ATG10: variants seen among roughly 807,000 people sequenced by gnomAD.
ATG10 encodes ubiquitin-like-conjugating enzyme ATG10.
Under a neutral mutation model 32.1 loss-of-function variants are expected in ATG10, and 30 were observed. The observed-to-expected ratio is 0.94, with a 90% CI of 0.70 to 1.27. The LOEUF (loss-of-function observed/expected upper bound fraction) is 1.27. Among genes scored for constraint, ATG10 ranks in the 50% most tolerant of loss-of-function variants. The pLI, the probability that ATG10 is intolerant of heterozygous loss-of-function variation, is 0.00. For missense variants in ATG10, 233 were observed against 262.3 expected (o/e 0.89, Z 0.77); for synonymous variants, 87 against 91.5 (o/e 0.95, Z 0.28).
intron 3 of ATG10, among the ~76,000 whole-genome samples, chr5:82,135,188 T>A (rs1273302509): frequency 6.6e-6 from 1 of 152,190 alleles, no homozygotes; most frequent in Non-Finnish European, 1.5e-5. Flanking sequence ...CCTGGATTCA[T>A]TGATTTTTTG....
chr5:81,990,955 C>G (rs939777143), intron 2 of ATG10, among the ~76,000 whole-genome samples: 5 of 152,344 alleles, frequency 3.3e-5, no homozygotes, highest in African/African-American at 1.2e-4. Flanking sequence ...ACAGTGAGGA[C>G]CAAACGAAAC....
At chr5:82,251,171 A>G (rs1313124089) in intron 5 of ATG10, among the ~76,000 whole-genome samples, 1 of 152,216 alleles carries the variant, frequency 6.6e-6, no homozygotes, top group Non-Finnish European at 1.5e-5. Context: ...AGTGTCACCA[A>G]TACAAGAGGA....
chr5:82,217,461 A>G (rs1745734309), intron 5 of ATG10, among the ~76,000 whole-genome samples: 1 of 152,156 alleles, frequency 6.6e-6, no homozygotes, highest in African/African-American at 2.4e-5. Context: ...TATAATTCTT[A>G]TAAGGTATAA....
At chr5:82,135,961 T>G (rs1326583147) in intron 3 of ATG10, among the ~76,000 whole-genome samples, 3 of 152,222 alleles carry the variant, frequency 2.0e-5, no homozygotes, top group Non-Finnish European at 2.9e-5. Flanking sequence ...TTGATTCCCT[T>G]TACCATATGT....
chr5:82,139,320 G>A (rs1766932884), intron 3 of ATG10, among the ~76,000 whole-genome samples: 1 of 150,548 alleles, frequency 6.6e-6, no homozygotes, highest in African/African-American at 2.5e-5. Flanking sequence ...GGGATGTGAG[G>A]AGCCCCTCTG....
chr5:82,254,927 T>TGTGG lies in ATG10; in HGVS notation c.*865_*866insTGGG, dbSNP rs1408989493. ...GTGTGTGTGTGTGTGTGTGTATGTG[T>TGTGG]GGGTGTTTGTGTAGATAGTTGTAAA... On this transcript the variant is annotated 3_prime_UTR_variant, in exon 8 of 8. Coordinates refer to ENST00000282185, the MANE Select transcript of ATG10 (RefSeq NM_031482.5). 6.6e-6 allele frequency: 1 copy of TGTGG among 151,902 alleles called. No individual in the cohort carries two copies. Among genetic ancestry groups the TGTGG allele is most frequent in the East Asian group, 1.9e-4 (1 of 5,184 alleles). The allele number at this position is 151,902 out of a possible 1,614,324, so 9.4% of individuals were successfully genotyped here.
intron 5 of ATG10, among the ~76,000 whole-genome samples, chr5:82,207,252 TG>T (rs1745335661): frequency 6.6e-6 from 1 of 152,356 alleles, no homozygotes. Context: ...TTTCTAAAAC[TG>T]TTCTATCAAT....
chr5:81,983,033 A>AT (rs1403241215), intron 1 of ATG10, among the ~76,000 whole-genome samples: 21 of 152,148 alleles, frequency 1.4e-4, no homozygotes, highest in Admixed American at 1.0e-3. Context: ...CAAAACCGCC[A>AT]TTGTCATCAT....
chr5:82,105,780 A>G (rs1765430031), intron 3 of ATG10, among the ~76,000 whole-genome samples: 1 of 152,134 alleles, frequency 6.6e-6, no homozygotes, highest in African/African-American at 2.4e-5. Flanking sequence ...TGCAGAGGCT[A>G]ACAGTCAAGA....
intron 3 of ATG10, among the ~76,000 whole-genome samples, chr5:82,139,781 C>T (rs1265853019): frequency 7.3e-6 from 1 of 137,250 alleles, no homozygotes; most frequent in Non-Finnish European, 1.6e-5. Context: ...GCCCGGCCGC[C>T]CCTACTGGGA....
chr5:82,181,705 A>G (rs1368052547), intron 5 of ATG10, among the ~76,000 whole-genome samples: 2 of 152,150 alleles, frequency 1.3e-5, no homozygotes, highest in Non-Finnish European at 1.5e-5. Flanking sequence ...CTTAAAAACA[A>G]ATGCAGCCTT....
chr5:82,080,375 C>A (rs923036792), intron 3 of ATG10, among the ~76,000 whole-genome samples: 2 of 152,170 alleles, frequency 1.3e-5, no homozygotes, highest in African/African-American at 4.8e-5. Flanking sequence ...AATTAGATCC[C>A]ATTTGTCTAT....
intron 5 of ATG10, among the ~76,000 whole-genome samples, chr5:82,234,707 C>A (rs1581834680): frequency 6.6e-6 from 1 of 152,142 alleles, no homozygotes; most frequent in Admixed American, 6.5e-5. Context: ...ATGTCAACCT[C>A]TTAGTATTAT....
chr5:82,239,412 C>T (rs758619912), intron 5 of ATG10, among the ~76,000 whole-genome samples: 115 of 151,894 alleles, frequency 7.6e-4, no homozygotes, highest in Non-Finnish European at 1.3e-3. Flanking sequence ...CTTCCTGTGC[C>T]CTCAAGGAAT....
chr5:81,995,163 C>T (rs552557858), intron 2 of ATG10, among the ~76,000 whole-genome samples: 41 of 152,270 alleles, frequency 2.7e-4, no homozygotes, highest in African/African-American at 9.9e-4. Flanking sequence ...CAGAGTCTCA[C>T]TCTGTCACCT....
At chr5:82,175,695 T>C (rs952405131) in intron 4 of ATG10, among the ~76,000 whole-genome samples, 2 of 152,188 alleles carry the variant, frequency 1.3e-5, no homozygotes, top group Non-Finnish European at 2.9e-5. Context: ...CACCTCTCCC[T>C]GGAACGCTGT....
At position 82,022,487 on chromosome 5, in the gene ATG10, G is replaced by A. The variant is rs148971543; in HGVS notation, c.108+34809G>A. On this transcript the variant is annotated intron_variant, in intron 2 of 7. Coordinates refer to ENST00000282185, the MANE Select transcript of ATG10 (RefSeq NM_031482.5). ...GGGATTACAGGTACCCACAATGCCCGTCTAGTTTTTGTATTTTGAGTAGAG... is the reference window on the plus strand; with the variant it reads ...GGGATTACAGGTACCCACAATGCCCATCTAGTTTTTGTATTTTGAGTAGAG... 1.6e-3 allele frequency among the ~76,000 whole-genome samples: 240 copies of A among 151,154 alleles called. 1 individual carries two copies. Among genetic ancestry groups the A allele is most frequent in the African/African-American group, 5.4e-3 (221 of 41,188 alleles).
intron 3 of ATG10, among the ~76,000 whole-genome samples, chr5:82,127,972 G>A (rs1294402750): frequency 1.3e-5 from 2 of 151,898 alleles, no homozygotes. Context: ...GTCCTGTATT[G>A]GGTGCATATA....
chr5:82,173,263 G>T (rs17245188), intron 4 of ATG10, among the ~76,000 whole-genome samples: 26,954 of 152,098 alleles, frequency 0.18, 2,905 homozygotes, highest in Middle Eastern at 0.27. Context: ...GCTGTTATTG[G>T]CTCATGAAAA....
Sources: gnomAD v4.1 joint callset for allele counts (sites outside exome capture counted in the v4.1 genomes callset) on GRCh38, gnomAD v4.1.1 for gene constraint, MANE v1.5 for transcripts, NCBI Gene and HGNC (gene_info 2026-07-23, HGNC 2026-07-21) for gene names.